The following RGS6 variants were observed in gnomAD, a reference collection of about 807,000 sequenced individuals.
The protein encoded by RGS6 is regulator of G protein signaling 6.
A neutral mutation model predicts 78.5 loss-of-function variants in RGS6; 30 were observed. The observed-to-expected ratio is 0.38, with a 90% CI of 0.29 to 0.52. The LOEUF is 0.52. Among genes scored for constraint, RGS6 ranks in the 20% least tolerant of loss-of-function variants. The probability of loss-of-function intolerance (pLI) is 0.85; values close to 1 mark genes in which losing one functional copy is unlikely to be tolerated. For synonymous variants in RGS6, 206 were observed against 206.0 expected (o/e 1.00, Z 0.00); for missense variants, 495 against 609.7 (o/e 0.81, Z 1.98).
chr14:72,050,177 A>G (rs1174043085), intron 2 of RGS6, among the ~76,000 whole-genome samples: 2 of 152,224 alleles, frequency 1.3e-5, no homozygotes, highest in Admixed American at 1.3e-4. Context: ...GATGGTATAT[A>G]AGAAAAAAGA....
Position 72,495,275 on chromosome 14 carries a change from T to G in RGS6, c.965+13T>G. The stretch of plus-strand genomic sequence containing the variant: ...ACATAGAGATGAGGTAAAAAATGTT[T>G]TAAGGTTTGGGAGTGGGATGAATGT... On this transcript the variant is annotated intron_variant, in intron 13 of 17. Transcript: ENST00000553525. 1.3e-6 allele frequency: 2 copies of G among 1,553,698 alleles called. No homozygotes were observed. Among genetic ancestry groups the G allele is most frequent in the Non-Finnish European group, 8.9e-7 (1 of 1,124,864 alleles).
chr14:71,919,984 G>T, the RGS6 span, among the ~76,000 whole-genome samples: 24 of 151,908 alleles, frequency 1.6e-4, no homozygotes, highest in Non-Finnish European at 2.8e-4. Flanking sequence ...ACAGAGCAAG[G>T]CTCTGTCTCA....
chr14:72,123,559 C>G (rs970028465), intron 2 of RGS6, among the ~76,000 whole-genome samples: 5 of 152,170 alleles, frequency 3.3e-5, no homozygotes, highest in African/African-American at 9.7e-5. Context: ...GAAAGTGTGA[C>G]TAGCACATTG....
intron 2 of RGS6, among the ~76,000 whole-genome samples, chr14:72,110,884 G>C (rs2095745384): frequency 6.6e-6 from 1 of 152,062 alleles, no homozygotes; most frequent in Non-Finnish European, 1.5e-5. Flanking sequence ...TCTTTGTCTA[G>C]TCACACCTAG....
At chr14:72,489,956 G>A (rs909128502) in intron 12 of RGS6, among the ~76,000 whole-genome samples, 3 of 152,196 alleles carry the variant, frequency 2.0e-5, no homozygotes, top group Non-Finnish European at 4.4e-5. Flanking sequence ...ATCAGCCCAA[G>A]TAGCTAAGAA....
chr14:72,478,453 G>A, intron 12 of RGS6, 124 bp downstream of exon 12: 2 of 711,350 alleles, frequency 2.8e-6, no homozygotes, highest in South Asian at 1.8e-5. Flanking sequence ...CTTAGACTGG[G>A]GTGCAGAAAA....
intron 2 of RGS6, among the ~76,000 whole-genome samples, chr14:72,273,478 G>A (rs2060238917): frequency 2.0e-5 from 3 of 152,160 alleles, no homozygotes; most frequent in Admixed American, 2.0e-4. Flanking sequence ...GACAGCAGGG[G>A]CAATCGGTGG....
the RGS6 span, among the ~76,000 whole-genome samples, chr14:71,908,610 G>T: frequency 6.6e-6 from 1 of 152,216 alleles, no homozygotes. Context: ...GATGTTCAGG[G>T]CACAATGAGG....
intron 3 of RGS6, among the ~76,000 whole-genome samples, chr14:72,451,756 T>A (rs907408414): frequency 1.3e-5 from 2 of 151,262 alleles, no homozygotes; most frequent in Non-Finnish European, 3.0e-5. Flanking sequence ...AAAGAACTAT[T>A]TTTTTTTTCT....
chr14:72,267,391 A>G (rs1025587868), intron 2 of RGS6, among the ~76,000 whole-genome samples: 9 of 152,364 alleles, frequency 5.9e-5, no homozygotes, highest in Non-Finnish European at 8.8e-5. Context: ...ATTCGTGTAC[A>G]TGGTAGCTGT....
intron 2 of RGS6, among the ~76,000 whole-genome samples, chr14:72,304,047 C>T (rs550145068): frequency 5.9e-5 from 9 of 152,324 alleles, no homozygotes; most frequent in East Asian, 5.8e-4. Context: ...TTTCACCTCC[C>T]GGCCAGCCCA....
the RGS6 span, among the ~76,000 whole-genome samples, chr14:72,626,571 A>C: frequency 6.6e-6 from 1 of 152,108 alleles, no homozygotes; most frequent in African/African-American, 2.4e-5. Context: ...TGTTTATTCA[A>C]CAACTACTCT....
the RGS6 span, among the ~76,000 whole-genome samples, chr14:71,878,258 A>G: frequency 0.076 from 11,528 of 152,258 alleles, 903 homozygotes; most frequent in East Asian, 0.21. Flanking sequence ...CCTTTTATTC[A>G]GCTATGCCCT....
At chr14:72,276,862 A>C (rs568464417) in intron 2 of RGS6, among the ~76,000 whole-genome samples, 1 of 151,132 alleles carries the variant, frequency 6.6e-6, no homozygotes, top group South Asian at 2.1e-4. Flanking sequence ...AGACTAATAC[A>C]ATATTGAAAA....
At chr14:72,381,896 C>CAAT (rs2086224871) in intron 3 of RGS6, among the ~76,000 whole-genome samples, 1 of 151,900 alleles carries the variant, frequency 6.6e-6, no homozygotes, top group South Asian at 2.1e-4. Flanking sequence ...TATAAACGTC[C>CAAT]TCTATTGTTC....
At chr14:72,034,469 A>G (rs866502320) in intron 2 of RGS6, among the ~76,000 whole-genome samples, 38 of 151,584 alleles carry the variant, frequency 2.5e-4, no homozygotes, top group African/African-American at 7.5e-4. Flanking sequence ...GGTATATCAC[A>G]TTGATTGATT....
intron 2 of RGS6, among the ~76,000 whole-genome samples, chr14:72,058,507 GTTTT>G (rs756553187): frequency 1.4e-5 from 2 of 144,818 alleles, no homozygotes; most frequent in South Asian, 4.4e-4. Context: ...TATATAAAGG[GTTTT>G]TTTTTTTGTC....
At chr14:72,200,760 T>G (rs1204657671) in intron 2 of RGS6, among the ~76,000 whole-genome samples, 1 of 152,136 alleles carries the variant, frequency 6.6e-6, no homozygotes, top group Non-Finnish European at 1.5e-5. Context: ...AAATAATCTT[T>G]CAATGTGGTC....
intron 2 of RGS6, among the ~76,000 whole-genome samples, chr14:72,188,797 A>G (rs948240996): frequency 1.3e-5 from 2 of 152,276 alleles, no homozygotes; most frequent in Non-Finnish European, 2.9e-5. Flanking sequence ...GGATGACTTC[A>G]TTGCTCACGA....
Sources: allele counts gnomAD v4.1 joint callset (sites outside exome capture counted in the v4.1 genomes callset), GRCh38; gene constraint gnomAD v4.1.1; transcripts MANE v1.5; gene names NCBI Gene and HGNC (gene_info 2026-07-23, HGNC 2026-07-21).